The following GDAP2 variants were observed in gnomAD, a reference collection of about 807,000 sequenced individuals.
GDAP2 encodes ganglioside-induced differentiation-associated protein 2.
In GDAP2, 51 loss-of-function variants were observed where a neutral mutation model predicts 67.0. The observed-to-expected ratio is 0.76, with a 90% CI of 0.61 to 0.96. The LOEUF is 0.96. Among genes scored for constraint, GDAP2 ranks in the 40% least tolerant of loss-of-function variants. The pLI is 0.00. For synonymous variants in GDAP2, 203 were observed against 207.3 expected (o/e 0.98, Z 0.18); for missense variants, 547 against 588.3 (o/e 0.93, Z 0.73).
chr1:117,920,133 T>G, intron 2 of GDAP2, 49 bp downstream of exon 2: 1 of 1,070,938 alleles, frequency 9.3e-7, no homozygotes, highest in Non-Finnish European at 1.4e-6. Flanking sequence ...TTAGAATAAA[T>G]TATGAGAAAG....
chr1:117,879,917 C>T (rs766198645), intron 12 of GDAP2, among the ~76,000 whole-genome samples: 1 of 152,138 alleles, frequency 6.6e-6, no homozygotes, highest in Admixed American at 6.6e-5. Context: ...GTGGCTCATG[C>T]CAGTAATCCC....
chr1:117,912,706 T>C lies in GDAP2; in HGVS notation c.317-23A>G, dbSNP rs114306767. On this transcript the variant is annotated intron_variant, in intron 3 of 13. Coordinates refer to ENST00000369443, the MANE Select transcript of GDAP2 (RefSeq NM_017686.4). ...ACCCTGAAAACAATGGAAACACACATAAGTTTGGATGTGTTAGGAAAACAG... is the reference window on the plus strand; with the variant it reads ...ACCCTGAAAACAATGGAAACACACACAAGTTTGGATGTGTTAGGAAAACAG... 1,556 of 1,601,484 alleles carry C rather than the reference T, an allele frequency of 9.7e-4. 18 individuals carry two copies. In the African/African-American group the frequency reaches 0.019, roughly 20 times the overall value.
intron 13 of GDAP2, 95 bp downstream of exon 13, chr1:117,877,914 A>T: frequency 7.0e-7 from 1 of 1,426,434 alleles, no homozygotes; most frequent in Non-Finnish European, 9.3e-7. Context: ...TTACATTAAT[A>T]TCTGGTAATG....
intron 2 of GDAP2, among the ~76,000 whole-genome samples, chr1:117,919,840 C>A (rs1650180347): frequency 6.6e-6 from 1 of 151,100 alleles, no homozygotes; most frequent in East Asian, 2.0e-4. Context: ...AAAATGCCAA[C>A]TAACCTATAG....
intron 1 of GDAP2, among the ~76,000 whole-genome samples, chr1:117,927,375 C>G (rs767144953): frequency 2.0e-5 from 3 of 151,964 alleles, no homozygotes; most frequent in Non-Finnish European, 4.4e-5. Flanking sequence ...TCAAAAAAAA[C>G]TTTTTTTCTG....
chr1:117,913,646 C>T (rs1649940761), intron 3 of GDAP2: 1 of 152,194 alleles, frequency 6.6e-6, no homozygotes, highest in Non-Finnish European at 1.5e-5. Flanking sequence ...ACCTAAAGGA[C>T]CTACAGATAA....
At chr1:117,912,362 T>C (rs1198924196) in intron 4 of GDAP2, among the ~76,000 whole-genome samples, 168 bp downstream of exon 4, 2 of 152,160 alleles carry the variant, frequency 1.3e-5, no homozygotes, top group Admixed American at 6.6e-5. Flanking sequence ...CCCGCTAAGT[T>C]TGAAAAGATA....
chr1:117,894,571 TAATGGAAGACAA>T (rs1377171428), intron 8 of GDAP2, among the ~76,000 whole-genome samples: 12 of 152,180 alleles, frequency 7.9e-5, no homozygotes, highest in African/African-American at 2.9e-4. Flanking sequence ...CTTTTTAAAT[TAATGGAAGACAA>T]AATGGAAGAA....
intron 6 of GDAP2, 59 bp from the exon 7 acceptor site, chr1:117,899,275 C>CACTA: frequency 1.3e-5 from 15 of 1,181,028 alleles, no homozygotes; most frequent in Non-Finnish European, 1.8e-5. Context: ...AAGACCTCAG[C>CACTA]AGTACTTAGT....
chr1:117,886,703 C>G, intron 9 of GDAP2, 50 bp from the exon 10 acceptor site: 1 of 922,068 alleles, frequency 1.1e-6, no homozygotes, highest in East Asian at 2.4e-5. Context: ...TCCAAGAATA[C>G]TATTTGTCTT....
At chr1:117,887,275 C>CT (rs1466566149) in intron 9 of GDAP2, among the ~76,000 whole-genome samples, 3 of 152,230 alleles carry the variant, frequency 2.0e-5, no homozygotes, top group African/African-American at 7.2e-5. Flanking sequence ...CTCACTACAA[C>CT]TTTGATCCAG....
chr1:117,897,066 G>T, intron 7 of GDAP2, 77 bp from the exon 8 acceptor site: 1 of 1,003,748 alleles, frequency 1.0e-6, no homozygotes, highest in Non-Finnish European at 1.4e-6. Flanking sequence ...CTGCAGTAAG[G>T]ATGACAGTGA....
At chr1:117,901,888 A>G (rs1344204678) in intron 6 of GDAP2, among the ~76,000 whole-genome samples, 1 of 152,196 alleles carries the variant, frequency 6.6e-6, no homozygotes, top group Non-Finnish European at 1.5e-5. Flanking sequence ...CTCCTGGTCT[A>G]AATCATCCAG....
At chr1:117,899,529 A>G (rs890911573) in intron 6 of GDAP2, among the ~76,000 whole-genome samples, 9 of 152,100 alleles carry the variant, frequency 5.9e-5, no homozygotes, top group Non-Finnish European at 1.2e-4. Context: ...CAGTCTCTCA[A>G]GACTTGGCTC....
chr1:117,878,204 C>A, intron 12 of GDAP2, 52 bp from the exon 13 acceptor site: 1 of 1,002,470 alleles, frequency 1.0e-6, no homozygotes, highest in Non-Finnish European at 1.5e-6. Flanking sequence ...TAGTTAGAAA[C>A]ATAAACACAA....
At chr1:117,929,192 G>T (rs1198408204) in intron 1 of GDAP2, among the ~76,000 whole-genome samples, 1 of 152,182 alleles carries the variant, frequency 6.6e-6, no homozygotes, top group Non-Finnish European at 1.5e-5. Context: ...CGCCTCCTTG[G>T]CTACAGCACC....
intron 3 of GDAP2, among the ~76,000 whole-genome samples, chr1:117,918,375 A>T (rs1650120910): frequency 6.6e-6 from 1 of 152,214 alleles, no homozygotes. Context: ...CAGGACAAAG[A>T]AGTTTTACTG....
chr1:117,896,935 G>A lies in GDAP2; in HGVS notation c.851C>T (p.Ser284Phe). Residue 284 changes from serine to phenylalanine, a missense_variant, in exon 8 of 14, where the codon TCT (serine) becomes TTT (phenylalanine). Physicochemically the swap from Ser to Phe is radical, Grantham distance 155. Coordinates refer to ENST00000369443, the MANE Select transcript of GDAP2 (RefSeq NM_017686.4). The stretch of plus-strand genomic sequence containing the variant: ...TCCTTCCATTCGAGCAAAAGCATGA[G>A]AGCCAATGAAAGAGAGATCAACTCC... Reference protein sequence around the residue: ...GLGVDLSFIGSHAFARMEGDI... With the variant: ...GLGVDLSFIGFHAFARMEGDI... 1 of 1,612,220 alleles carries A rather than the reference G, an allele frequency of 6.2e-7. No individual in the cohort carries two copies. Among genetic ancestry groups the A allele is most frequent in the East Asian group, 2.2e-5 (1 of 44,840 alleles).
intron 1 of GDAP2, 120 bp from the exon 2 acceptor site, chr1:117,920,544 C>A: frequency 2.5e-6 from 1 of 398,126 alleles, no homozygotes. Context: ...GTGATTATAG[C>A]CACTTAAAAA....
Sources: allele counts gnomAD v4.1 joint callset (sites outside exome capture counted in the v4.1 genomes callset), GRCh38; gene constraint gnomAD v4.1.1; transcripts MANE v1.5; gene names NCBI Gene and HGNC (gene_info 2026-07-23, HGNC 2026-07-21).